The following SLC10A2 variants were observed in gnomAD, a reference collection of about 807,000 sequenced individuals.
The protein encoded by SLC10A2 is solute carrier family 10 member 2.
SLC10A2 carries 34 observed loss-of-function variants against 27.1 expected under a neutral mutation model. The observed-to-expected ratio is 1.26, with a 90% CI of 0.96 to 1.67. SLC10A2 has a LOEUF of 1.67. Ranked by LOEUF, SLC10A2 falls within the 40% of genes most tolerant of loss-of-function variation. The pLI, the probability that SLC10A2 is intolerant of heterozygous loss-of-function variation, is 0.00. For synonymous variants in SLC10A2, 205 were observed against 174.0 expected, an observed-to-expected ratio of 1.18 and a Z score of -1.40; for missense variants, 530 against 444.4, an observed-to-expected ratio of 1.19 and a Z score of -1.73.
At chr13:103,064,382 C>A (rs1876212177) in intron 1 of SLC10A2, among the ~76,000 whole-genome samples, 1 of 152,206 alleles carries the variant, frequency 6.6e-6, no homozygotes, top group African/African-American at 2.4e-5. Flanking sequence ...TTAGATCTTA[C>A]TGTTTTTAGC....
chr13:103,063,855 A>G (rs1435017966), intron 1 of SLC10A2, among the ~76,000 whole-genome samples: 1 of 152,214 alleles, frequency 6.6e-6, no homozygotes, highest in Non-Finnish European at 1.5e-5. Flanking sequence ...GATAATTAAG[A>G]GAGAATATGT....
At chr13:103,047,093 T>C (rs536653537) in intron 5 of SLC10A2, among the ~76,000 whole-genome samples, 6 of 152,310 alleles carry the variant, frequency 3.9e-5, no homozygotes, top group African/African-American at 1.4e-4. Context: ...CCTCGAATTC[T>C]AATACCTCAC....
At chr13:103,047,697 G>A (rs953689212) in intron 5 of SLC10A2, among the ~76,000 whole-genome samples, 1 of 151,936 alleles carries the variant, frequency 6.6e-6, no homozygotes, top group Non-Finnish European at 1.5e-5. Flanking sequence ...ACATACTGAT[G>A]TAACTGGGAA....
intron 5 of SLC10A2, among the ~76,000 whole-genome samples, chr13:103,049,013 T>A (rs1044754570): frequency 6.6e-6 from 1 of 152,212 alleles, no homozygotes; most frequent in Non-Finnish European, 1.5e-5. Flanking sequence ...CCCAACAGGT[T>A]CCTCTGCCTT....
intron 2 of SLC10A2, among the ~76,000 whole-genome samples, chr13:103,057,651 G>A (rs1056825685): frequency 5.3e-5 from 8 of 152,138 alleles, no homozygotes; most frequent in Non-Finnish European, 8.8e-5. Context: ...GGCTGAGGCC[G>A]GCAGATCACT....
rs41281680 is a variant in SLC10A2, at chr13:103,066,121, G to A, written c.129C>T (p.Ala43=). Residue 43 remains alanine (A), a synonymous_variant, in exon 1 of 6, where the codon GCC becomes GCT. Transcript: ENST00000245312. ...TGCATCCCATGGAGAACATCACCAA[G>A]GCCAACAGGATGGTCAGCACCGTAC... The part of the protein sequence containing the change: ...VLSTVLTILL[A]LVMFSMGCNV... The A allele has an allele frequency of 0.02, 31,815 of 1,614,020 alleles. 402 individuals carry two copies. The highest frequency in any genetic ancestry group is 0.037 in the African/African-American group (2,800 of 75,026).
At chr13:103,065,497 A>C (rs1052403971) in intron 1 of SLC10A2, among the ~76,000 whole-genome samples, 1 of 152,116 alleles carries the variant, frequency 6.6e-6, no homozygotes. Flanking sequence ...AGAGCTCCTC[A>C]TCATTACAAA....
chr13:103,051,460 A>C, intron 3 of SLC10A2, 28 bp from the exon 4 acceptor site: 1 of 1,611,934 alleles, frequency 6.2e-7, no homozygotes, highest in East Asian at 2.2e-5. Context: ...AAGTGAACCC[A>C]GCAATCATGA....
intron 5 of SLC10A2, among the ~76,000 whole-genome samples, chr13:103,046,738 G>C (rs561373373): frequency 6.6e-6 from 1 of 152,140 alleles, no homozygotes; most frequent in Non-Finnish European, 1.5e-5. Flanking sequence ...GAAGAGACTC[G>C]GCTGATGGGT....
At chr13:103,052,489 C>T (rs1221640255) in intron 3 of SLC10A2, 131 bp downstream of exon 3, 2 of 734,478 alleles carry the variant, frequency 2.7e-6, no homozygotes, top group Non-Finnish European at 5.0e-6. Context: ...GAGAAGACTG[C>T]ATGGCTAATG....
At chr13:103,059,815 G>A (rs911947036) in intron 1 of SLC10A2, among the ~76,000 whole-genome samples, 9 of 152,168 alleles carry the variant, frequency 5.9e-5, no homozygotes, top group African/African-American at 4.8e-5. Flanking sequence ...AGGAGGCCTC[G>A]CTGTGTTGCC....
At chr13:103,056,224 T>C (rs189522574) in intron 2 of SLC10A2, among the ~76,000 whole-genome samples, 65 of 152,374 alleles carry the variant, frequency 4.3e-4, no homozygotes, top group African/African-American at 1.5e-3. Context: ...TTTTTCCTTG[T>C]GGTACTGAGG....
chr13:103,050,080 C>T (rs1298100627), intron 4 of SLC10A2, among the ~76,000 whole-genome samples: 1 of 152,120 alleles, frequency 6.6e-6, no homozygotes, highest in South Asian at 2.1e-4. Context: ...ATCACTTGAG[C>T]CAAGGCTTCA....
At chr13:103,063,940 A>G (rs1410753251) in intron 1 of SLC10A2, among the ~76,000 whole-genome samples, 3 of 152,250 alleles carry the variant, frequency 2.0e-5, no homozygotes, top group Non-Finnish European at 4.4e-5. Context: ...TTTGCTTTGC[A>G]GGCATTTGAT....
In SLC10A2 at chr13:103,052,788, A is replaced by G; in HGVS notation, c.497-80T>C. 6.9e-6 allele frequency: 6 copies of G among 868,802 alleles called. No homozygotes were observed. The South Asian group carries it at 8.0e-5, about 12-fold the overall frequency. 53.8% of individuals were successfully genotyped at this position (868,802 alleles called of 1,614,324 possible). A position where few individuals can be genotyped will look rare whatever the true frequency, so the allele number is the denominator to read the frequency against. ...AAAAACAGAAGAACAAGCAGCCTGA[A>G]GAAAGATTAGGTGGTATTTCAGTCT... is the stretch of plus-strand genomic sequence containing the variant. On this transcript the variant is annotated intron_variant, in intron 2 of 5. Coordinates refer to ENST00000245312, the MANE Select transcript of SLC10A2 (RefSeq NM_000452.3).
At chr13:103,056,842 A>C (rs1411069823) in intron 2 of SLC10A2, among the ~76,000 whole-genome samples, 3 of 150,452 alleles carry the variant, frequency 2.0e-5, no homozygotes, top group African/African-American at 4.9e-5. Context: ...AAGGAGGACA[A>C]TTTTTTTTTT....
At position 103,065,900 on chromosome 13, in the gene SLC10A2, T is replaced by C; in HGVS notation, c.350A>G (p.Tyr117Cys). ...CAGGTCCATGTCGCCATCGACCCAA[T>C]AGGCCAAGATATTGGAGGCAGTTCC... ...PGGTASNILAYWVDGDMDLSV... is the reference protein window; with the variant it reads ...PGGTASNILACWVDGDMDLSV... Residue 117 changes from tyrosine to cysteine, a missense_variant, in exon 1 of 6, where the codon TAT (tyrosine) becomes TGT (cysteine). By Grantham distance (194) the Tyr-to-Cys change is radical (BLOSUM62 -2). Transcript: ENST00000245312. 3 of 1,614,120 alleles carry C rather than the reference T, an allele frequency of 1.9e-6. No individual in the cohort carries two copies. The highest frequency in any genetic ancestry group is 2.5e-6 in the Non-Finnish European group (3 of 1,180,008).
rs1417571642 is a variant in SLC10A2, at chr13:103,046,258, A to T, written c.922T>A (p.Tyr308Asn). 2.5e-6 allele frequency: 4 copies of T among 1,610,994 alleles called. No individual in the cohort carries two copies. In the Admixed American group the frequency reaches 5.0e-5, roughly 20 times the overall value. Residue 308 changes from tyrosine to asparagine, a missense_variant and splice_region_variant, in exon 6 of 6, where the codon TAT (tyrosine) becomes AAT (asparagine). Coordinates refer to ENST00000245312, the MANE Select transcript of SLC10A2 (RefSeq NM_000452.3). ...CCATGACATTTCTTGTATGCCACAT[A>T]AACTAGAAAACAATACACAGACAGT... ...LAFAAIFLGF[Y>N]VAYKKCHGKN...
At chr13:103,055,449 T>C (rs950691510) in intron 2 of SLC10A2, among the ~76,000 whole-genome samples, 5 of 152,152 alleles carry the variant, frequency 3.3e-5, no homozygotes, top group African/African-American at 1.2e-4. Context: ...GAGAATAGAC[T>C]GTGGGCTATT....
Sources: allele counts gnomAD v4.1 joint callset (sites outside exome capture counted in the v4.1 genomes callset), GRCh38; gene constraint gnomAD v4.1.1; transcripts MANE v1.5; gene names NCBI Gene and HGNC (gene_info 2026-07-23, HGNC 2026-07-21).